The following RANBP17 variants were observed in gnomAD, a reference collection of about 807,000 sequenced individuals.
RANBP17 encodes RAN binding protein 17.
RANBP17 carries 158 observed loss-of-function variants against 141.2 expected under a neutral mutation model. The ratio of observed to expected loss-of-function variants is 1.12; its 90% confidence interval spans 0.98 to 1.28. The LOEUF (loss-of-function observed/expected upper bound fraction) is 1.28. Among genes scored for constraint, RANBP17 ranks in the 50% most tolerant of loss-of-function variants. The probability of loss-of-function intolerance (pLI) is 0.00; values close to 1 mark genes in which losing one functional copy is unlikely to be tolerated. For synonymous variants in RANBP17, 430 were observed against 450.0 expected (o/e 0.96, Z 0.56); for missense variants, 1,438 against 1,290.7 (o/e 1.11, Z -1.75).
chr5:170,998,706 T>G (rs1233145999), intron 14 of RANBP17, among the ~76,000 whole-genome samples: 2 of 152,184 alleles, frequency 1.3e-5, no homozygotes, highest in Admixed American at 1.3e-4. Context: ...ATACTTTTGC[T>G]GTTGAGAAAT....
intron 13 of RANBP17, among the ~76,000 whole-genome samples, chr5:170,957,072 AACACAC>A (rs58034888): frequency 0.012 from 1,758 of 142,976 alleles, 41 homozygotes; most frequent in African/African-American, 0.042. Flanking sequence ...TCTGTCTCAA[AACACAC>A]ACACACACAC....
chr5:171,008,201 G>A (rs1177329050), intron 14 of RANBP17, among the ~76,000 whole-genome samples: 2 of 152,230 alleles, frequency 1.3e-5, no homozygotes, highest in African/African-American at 4.8e-5. Context: ...AGAGGGAAAA[G>A]ATCTGGAATT....
In RANBP17 at chr5:171,231,338, A is replaced by G. The variant is rs181657354; in HGVS notation, c.2422+9498A>G. On this transcript the variant is annotated intron_variant, in intron 22 of 27. Coordinates refer to ENST00000523189, the MANE Select transcript of RANBP17 (RefSeq NM_022897.5). ...TCAACATGATTCCCTCCTATATGATAATGTGATTTTACAAAATTTATATTA... is the reference window on the plus strand; with the variant it reads ...TCAACATGATTCCCTCCTATATGATGATGTGATTTTACAAAATTTATATTA... Among the ~76,000 whole-genome samples the G allele has an allele frequency of 4.6e-3, 702 of 152,178 alleles. 5 individuals carry two copies. The highest frequency in any genetic ancestry group is 0.016 in the African/African-American group (669 of 41,536).
At chr5:171,223,849 A>G (rs1419327190) in intron 22 of RANBP17, among the ~76,000 whole-genome samples, 1 of 152,194 alleles carries the variant, frequency 6.6e-6, no homozygotes, top group Non-Finnish European at 1.5e-5. Flanking sequence ...TCAGATTTGC[A>G]AGATCTCAGT....
intron 13 of RANBP17, among the ~76,000 whole-genome samples, chr5:170,961,075 T>G (rs1042640585): frequency 9.2e-6 from 1 of 109,142 alleles, no homozygotes; most frequent in Non-Finnish European, 2.1e-5. Context: ...TACACATGCT[T>G]TCCTTTTTGT....
Position 171,115,788 on chromosome 5 carries a change from A to T in RANBP17, c.1711-54342A>T, listed in dbSNP as rs551505954. On this transcript the variant is annotated intron_variant, in intron 14 of 27. Coordinates refer to ENST00000523189, the MANE Select transcript of RANBP17 (RefSeq NM_022897.5). Reference sequence around the variant, plus strand: ...AATTCATAGATGACAGTTTGTCCAGAAACAAAGTTAAAAATCTAAAACTTG... The same window carrying T: ...AATTCATAGATGACAGTTTGTCCAGTAACAAAGTTAAAAATCTAAAACTTG... 3.3e-5 allele frequency among the ~76,000 whole-genome samples: 5 copies of T among 152,350 alleles called. No individual in the cohort carries two copies. The South Asian group carries it at 1.0e-3, about 32-fold the overall frequency.
At chr5:170,892,663 T>A (rs1208424968) in intron 4 of RANBP17, 110 bp downstream of exon 4, 2 of 707,496 alleles carry the variant, frequency 2.8e-6, no homozygotes, top group Non-Finnish European at 4.5e-6. Context: ...AGTACCATGT[T>A]AATTATGATT....
chr5:171,265,733 C>T lies in RANBP17; in HGVS notation c.2829C>T (p.Tyr943=), dbSNP rs754630452. The T allele has an allele frequency of 1.9e-6, 3 of 1,614,144 alleles. No individual in the cohort carries two copies. The highest frequency in any genetic ancestry group is 8.5e-7 in the Non-Finnish European group (1 of 1,179,990). The change falls in exon 25 of 28, where the codon TAC becomes TAT. Residue 943 remains tyrosine, a synonymous_variant. Transcript: ENST00000523189. ...CCAGTTTAGACTACATCGTCACCTA[C>T]CTCTTCAAGCACATAGCAAAAGAGG... ...CCTSLDYIVT[Y]LFKHIAKEGK...
chr5:170,878,689 T>C (rs1768399971), intron 2 of RANBP17, among the ~76,000 whole-genome samples: 1 of 152,178 alleles, frequency 6.6e-6, no homozygotes. Context: ...TTTAGTAAAA[T>C]ATTTAAATGT....
At chr5:170,892,238 G>A (rs999970514) in intron 3 of RANBP17, 149 bp from the exon 4 acceptor site, 22 of 595,720 alleles carry the variant, frequency 3.7e-5, no homozygotes, top group Non-Finnish European at 5.4e-5. Context: ...CTATCAACCC[G>A]TCATCTAGGT....
intron 1 of RANBP17, among the ~76,000 whole-genome samples, chr5:170,877,757 G>GACTGCCTTCT (rs528282562): frequency 2.8e-4 from 42 of 152,166 alleles, no homozygotes; most frequent in African/African-American, 1.0e-3. Context: ...TCTTTGCCTG[G>GACTGCCTTCT]ACTGCCTTCT....
At chr5:171,076,380 T>G (rs949331840) in intron 14 of RANBP17, among the ~76,000 whole-genome samples, 1 of 152,210 alleles carries the variant, frequency 6.6e-6, no homozygotes, top group African/African-American at 2.4e-5. Context: ...ACTGGAAATA[T>G]CACTATAATC....
chr5:170,963,581 A>G (rs1213918057), intron 13 of RANBP17, among the ~76,000 whole-genome samples: 1 of 152,232 alleles, frequency 6.6e-6, no homozygotes, highest in Non-Finnish European at 1.5e-5. Context: ...GTTCCACCTC[A>G]GATCACCAGG....
intron 24 of RANBP17, among the ~76,000 whole-genome samples, chr5:171,249,276 A>G (rs1241363933): frequency 1.3e-5 from 2 of 152,234 alleles, no homozygotes; most frequent in Non-Finnish European, 2.9e-5. Context: ...TCTTCAGGAA[A>G]AATGCCTCCC....
intron 1 of RANBP17, among the ~76,000 whole-genome samples, chr5:170,876,522 A>G (rs955118916): frequency 1.3e-5 from 2 of 151,956 alleles, no homozygotes; most frequent in Non-Finnish European, 2.9e-5. Flanking sequence ...GGTGGGGGAG[A>G]TGTTTAAAAT....
chr5:171,212,236 C>A (rs1026493606), intron 20 of RANBP17, among the ~76,000 whole-genome samples: 2 of 152,112 alleles, frequency 1.3e-5, no homozygotes, highest in Admixed American at 1.3e-4. Flanking sequence ...TTTAGAAATG[C>A]ACTATCTAAT....
chr5:170,879,833 A>G (rs540403815), intron 2 of RANBP17, among the ~76,000 whole-genome samples: 1 of 152,292 alleles, frequency 6.6e-6, no homozygotes, highest in Admixed American at 6.5e-5. Flanking sequence ...AACACAGAAT[A>G]TTCAGATACT....
chr5:171,241,895 G>A (rs1764902810), intron 23 of RANBP17, among the ~76,000 whole-genome samples: 1 of 152,184 alleles, frequency 6.6e-6, no homozygotes, highest in African/African-American at 2.4e-5. Context: ...CTGAAGTGGG[G>A]ATCAGGAAAC....
intron 12 of RANBP17, among the ~76,000 whole-genome samples, chr5:170,933,743 C>T (rs1307480339): frequency 6.6e-6 from 1 of 152,092 alleles, no homozygotes; most frequent in Non-Finnish European, 1.5e-5. Context: ...TTTCTTAATC[C>T]TGAGTTCTAG....
Sources: allele counts gnomAD v4.1 joint callset (sites outside exome capture counted in the v4.1 genomes callset), GRCh38; gene constraint gnomAD v4.1.1; transcripts MANE v1.5; gene names NCBI Gene and HGNC (gene_info 2026-07-23, HGNC 2026-07-21).